Variants in EPC2 observed in about 807,000 individuals in gnomAD.
EPC2 encodes enhancer of polycomb 2, also known as enhancer of polycomb homolog 2.
EPC2 carries 14 observed loss-of-function variants against 92.1 expected under a neutral mutation model. The ratio of observed to expected loss-of-function variants is 0.15; its 90% CI spans 0.10 to 0.24. The LOEUF (loss-of-function observed/expected upper bound fraction) is 0.24. Among genes scored for constraint, EPC2 ranks in the 10% least tolerant of loss-of-function variants. The pLI, the probability that EPC2 is intolerant of heterozygous loss-of-function variation, is 1.00. For missense variants in EPC2, 755 were observed against 971.5 expected (o/e 0.78, Z 2.96); for synonymous variants, 340 against 334.7 (o/e 1.02, Z -0.17).
chr2:148,723,605 G>A (rs1470675462), intron 2 of EPC2, among the ~76,000 whole-genome samples: 1 of 152,124 alleles, frequency 6.6e-6, no homozygotes. Context: ...TTTTCAGTTT[G>A]TTCAGCCTTT....
intron 1 of EPC2, among the ~76,000 whole-genome samples, chr2:148,671,590 G>C (rs975484957): frequency 3.3e-5 from 5 of 152,066 alleles, no homozygotes; most frequent in Admixed American, 1.3e-4. Flanking sequence ...TTCCAGCCTG[G>C]GCAACAGAGC....
At chr2:148,727,457 A>T (rs1451814756) in intron 2 of EPC2, among the ~76,000 whole-genome samples, 1 of 152,246 alleles carries the variant, frequency 6.6e-6, no homozygotes, top group Admixed American at 6.5e-5. Context: ...CTGTTAAAAA[A>T]TAAATACTCT....
chr2:148,691,553 CTTAAATTGCTGTTG>C, intron 2 of EPC2: 1 of 1,550,488 alleles, frequency 6.4e-7, no homozygotes. Context: ...GAAATTGCAT[CTTAAATTGCTGTTG>C]TTCAGGATTG....
chr2:148,646,268 T>G (rs1294779427), intron 1 of EPC2, among the ~76,000 whole-genome samples: 1 of 152,236 alleles, frequency 6.6e-6, no homozygotes, highest in African/African-American at 2.4e-5. Flanking sequence ...ACTATTAATA[T>G]TGCAGGAAAT....
At position 148,723,493 on chromosome 2, in the gene EPC2, G is replaced by A. The variant is rs142526312; in HGVS notation, c.314-20129G>A. 7.4e-4 allele frequency among the ~76,000 whole-genome samples: 113 copies of A among 152,220 alleles called. No homozygotes were observed. The East Asian group carries it at 0.013, about 17-fold the overall frequency. ...GTTTTCAGGAGGGTTTCTGCTAGTGGGTTTCTGTTCCCGTAAGTTGTGATT... is the reference window on the plus strand; with the variant it reads ...GTTTTCAGGAGGGTTTCTGCTAGTGAGTTTCTGTTCCCGTAAGTTGTGATT... On this transcript the variant is annotated intron_variant, in intron 2 of 13. Transcript: ENST00000258484.
rs1683883464 is a variant in EPC2 at position 148,787,104 on chromosome 2, GCATCTAGCA to G, written c.*731_*739del. The G allele has an allele frequency of 6.6e-6, 1 of 152,558 alleles. No individual in the cohort carries two copies. The allele number at this position is 152,558 out of a possible 1,614,324, so 9.5% of individuals were successfully genotyped here. A position where few individuals can be genotyped will look rare whatever the true frequency, so the allele number is the denominator to read the frequency against. ...GAAAAAATGGAATAGGAAAAATTAT[GCATCTAGCA>G]CATTTAAACTGTGCAAATATGAAAA... On this transcript the variant is annotated 3_prime_UTR_variant, in exon 14 of 14. Transcript: ENST00000258484.
intron 1 of EPC2, among the ~76,000 whole-genome samples, chr2:148,674,311 T>C (rs1362857976): frequency 6.6e-6 from 1 of 152,230 alleles, no homozygotes; most frequent in African/African-American, 2.4e-5. Context: ...CTGAGTTCTT[T>C]TGTTCTCTAC....
intron 1 of EPC2, among the ~76,000 whole-genome samples, chr2:148,676,697 C>G (rs1402873310): frequency 6.6e-6 from 1 of 150,638 alleles, no homozygotes; most frequent in South Asian, 2.1e-4. Flanking sequence ...TGTTTTTTTA[C>G]TGCTGCCTAA....
intron 4 of EPC2, among the ~76,000 whole-genome samples, chr2:148,761,218 G>A (rs1386170290): frequency 6.6e-6 from 1 of 152,134 alleles, no homozygotes; most frequent in Non-Finnish European, 1.5e-5. Context: ...CATTTACATT[G>A]AAAATTGACA....
intron 10 of EPC2, among the ~76,000 whole-genome samples, chr2:148,781,379 G>A (rs779363952): frequency 1.3e-5 from 2 of 152,050 alleles, no homozygotes; most frequent in Non-Finnish European, 2.9e-5. Context: ...TGAATAAATG[G>A]TAAAATACTC....
chr2:148,689,936 TG>T (rs540490001), intron 1 of EPC2, among the ~76,000 whole-genome samples: 3 of 152,294 alleles, frequency 2.0e-5, no homozygotes, highest in African/African-American at 7.2e-5. Context: ...ATTAATTTTT[TG>T]TAATTGAAAT....
chr2:148,676,486 C>T (rs1317214151), intron 1 of EPC2, among the ~76,000 whole-genome samples: 2 of 151,812 alleles, frequency 1.3e-5, no homozygotes, highest in Non-Finnish European at 2.9e-5. Context: ...TACAGATTTA[C>T]TACAGAAGAT....
intron 1 of EPC2, among the ~76,000 whole-genome samples, chr2:148,660,549 A>T (rs1680910775): frequency 6.6e-6 from 1 of 151,966 alleles, no homozygotes; most frequent in Non-Finnish European, 1.5e-5. Context: ...TTCCATATTG[A>T]GGGAAATTGA....
At chr2:148,674,437 T>C (rs1345003482) in intron 1 of EPC2, among the ~76,000 whole-genome samples, 2 of 152,204 alleles carry the variant, frequency 1.3e-5, no homozygotes, top group Non-Finnish European at 2.9e-5. Flanking sequence ...TTTCCACTCT[T>C]CCATTTCCTT....
intron 2 of EPC2, among the ~76,000 whole-genome samples, chr2:148,696,820 A>G (rs1681755843): frequency 6.6e-6 from 1 of 152,140 alleles, no homozygotes; most frequent in African/African-American, 2.4e-5. Flanking sequence ...TGTTTCCCCT[A>G]CCTTAAGAGA....
At chr2:148,778,671 T>A (rs1683693522) in intron 10 of EPC2, among the ~76,000 whole-genome samples, 1 of 152,050 alleles carries the variant, frequency 6.6e-6, no homozygotes, top group Non-Finnish European at 1.5e-5. Flanking sequence ...TTAGAAAGGA[T>A]GTTTTGTATG....
chr2:148,658,267 C>A (rs1373908969), intron 1 of EPC2, among the ~76,000 whole-genome samples: 1 of 152,084 alleles, frequency 6.6e-6, no homozygotes, highest in East Asian at 1.9e-4. Context: ...ACATGACAGT[C>A]TTCTTGTGCT....
chr2:148,725,328 A>G (rs957862575), intron 2 of EPC2, among the ~76,000 whole-genome samples: 1 of 152,044 alleles, frequency 6.6e-6, no homozygotes, highest in African/African-American at 2.4e-5. Context: ...ACACTTAACA[A>G]TATTTGCTTT....
At chr2:148,739,588 A>G (rs896234063) in intron 2 of EPC2, among the ~76,000 whole-genome samples, 6 of 152,156 alleles carry the variant, frequency 3.9e-5, no homozygotes, top group Admixed American at 6.6e-5. Flanking sequence ...TAACCAGTCA[A>G]TGTGTGAATG....
Sources: allele counts gnomAD v4.1 joint callset (sites outside exome capture counted in the v4.1 genomes callset), GRCh38; gene constraint gnomAD v4.1.1; transcripts MANE v1.5; gene names NCBI Gene and HGNC (gene_info 2026-07-23, HGNC 2026-07-21).